The following APP variants were observed in gnomAD, a reference collection of about 807,000 sequenced individuals.
APP encodes amyloid beta precursor protein.
Under a neutral mutation model 101.4 loss-of-function variants are expected in APP, and 31 were observed. The observed-to-expected ratio is 0.31, with a 90% CI of 0.23 to 0.41. APP has a LOEUF of 0.41. Among genes scored for constraint, APP ranks in the 10% least tolerant of loss-of-function variants. The pLI, the probability that APP is intolerant of heterozygous loss-of-function variation, is 1.00. For synonymous variants in APP, 366 were observed against 364.4 expected, an observed-to-expected ratio of 1.00 and a Z score of -0.05; for missense variants, 839 against 1,003.7, an observed-to-expected ratio of 0.84 and a Z score of 2.22.
intron 2 of APP, among the ~76,000 whole-genome samples, chr21:26,101,036 T>C (rs982529882): frequency 6.6e-6 from 1 of 151,546 alleles, no homozygotes; most frequent in African/African-American, 2.4e-5. Context: ...GTGCACTGCA[T>C]GTTATTAAAA....
chr21:26,038,377 A>C (rs1192953484), intron 5 of APP, among the ~76,000 whole-genome samples: 2 of 152,214 alleles, frequency 1.3e-5, no homozygotes, highest in Non-Finnish European at 2.9e-5. Flanking sequence ...CATGATTATC[A>C]AACCAGAGGT....
chr21:26,100,887 T>G (rs896138413), intron 2 of APP, among the ~76,000 whole-genome samples: 4 of 152,086 alleles, frequency 2.6e-5, no homozygotes, highest in African/African-American at 9.7e-5. Flanking sequence ...TCACCTAACT[T>G]TCCCAATTGG....
chr21:26,055,463 A>G (rs1338332601), intron 3 of APP, among the ~76,000 whole-genome samples: 1 of 152,224 alleles, frequency 6.6e-6, no homozygotes, highest in African/African-American at 2.4e-5. Context: ...AGACCTGGAG[A>G]ATGGAAAGTA....
intron 7 of APP, among the ~76,000 whole-genome samples, chr21:25,999,509 C>T (rs2043193766): frequency 6.6e-6 from 1 of 152,054 alleles, no homozygotes; most frequent in Non-Finnish European, 1.5e-5. Context: ...CTCATCAGCA[C>T]AATAAAAGAC....
chr21:26,014,332 TAAC>T (rs1366385496), intron 6 of APP, among the ~76,000 whole-genome samples: 1 of 152,166 alleles, frequency 6.6e-6, no homozygotes, highest in East Asian at 1.9e-4. Flanking sequence ...TACAAACAAG[TAAC>T]AACAGAGGCA....
chr21:25,888,781 A>G (rs1401237203), intron 17 of APP, among the ~76,000 whole-genome samples: 1 of 150,970 alleles, frequency 6.6e-6, no homozygotes, highest in African/African-American at 2.4e-5. Flanking sequence ...CTAAAAAAAG[A>G]GCGTTTTAAT....
chr21:25,960,869 C>T (rs569268721), intron 11 of APP, among the ~76,000 whole-genome samples: 97 of 152,268 alleles, frequency 6.4e-4, no homozygotes, highest in Non-Finnish European at 1.1e-3. Flanking sequence ...GCCACCTAAA[C>T]ACATCTCTAG....
intron 9 of APP, among the ~76,000 whole-genome samples, chr21:25,976,825 A>T (rs2042241831): frequency 6.6e-6 from 1 of 152,198 alleles, no homozygotes; most frequent in Non-Finnish European, 1.5e-5. Context: ...GAGGTGATTC[A>T]GTCTCTGTCC....
intron 3 of APP, among the ~76,000 whole-genome samples, chr21:26,073,734 T>C (rs1226394688): frequency 1.3e-5 from 2 of 152,144 alleles, no homozygotes; most frequent in Non-Finnish European, 2.9e-5. Context: ...AAAGATCAGA[T>C]ACAATGAGAG....
chr21:26,116,814 C>T (rs537321219), intron 1 of APP, among the ~76,000 whole-genome samples: 3 of 152,294 alleles, frequency 2.0e-5, no homozygotes, highest in African/African-American at 4.8e-5. Context: ...AAATAGCTGG[C>T]CTCATATAAT....
chr21:26,067,567 C>T (rs1415032665), intron 3 of APP, among the ~76,000 whole-genome samples: 1 of 152,212 alleles, frequency 6.6e-6, no homozygotes. Flanking sequence ...GCTATGCTAT[C>T]TTAACGCATA....
In APP at chr21:25,997,086, G is replaced by T. The variant is rs2043085095; in HGVS notation, c.1090+274C>A. 4.9e-5 allele frequency: 24 copies of T among 491,848 alleles called. No homozygotes were observed. The South Asian group carries it at 5.4e-4, about 11-fold the overall frequency. The allele number at this position is 491,848 out of a possible 1,614,324, so 30.5% of individuals were successfully genotyped here. On this transcript the variant is annotated intron_variant, in intron 8 of 17. Coordinates refer to ENST00000346798, the MANE Select transcript of APP (RefSeq NM_000484.4). ...GTAATGGCAAATACAATACAATGATGTTGTCCATATAATATTCAATAAAAC... is the reference window on the plus strand; with the variant it reads ...GTAATGGCAAATACAATACAATGATTTTGTCCATATAATATTCAATAAAAC...
At position 25,881,560 on chromosome 21, in the gene APP, TA is replaced by T; in HGVS notation, c.*109del. On this transcript the variant is annotated 3_prime_UTR_variant, in exon 18 of 18. Transcript: ENST00000346798. ...ACAGCTGTCAAAAGGCGATAATGAG[TA>T]AATCATAAAACGGGTTTGTTTCTTC... The T allele has an allele frequency of 7.9e-7, 1 of 1,263,550 alleles. No homozygotes were observed. 78.3% of individuals were successfully genotyped at this position (1,263,550 alleles called of 1,614,324 possible). A position where few individuals can be genotyped will look rare whatever the true frequency, so the allele number is the denominator to read the frequency against.
intron 9 of APP, among the ~76,000 whole-genome samples, chr21:25,980,692 C>A (rs376256774): frequency 6.8e-6 from 1 of 146,532 alleles, no homozygotes; most frequent in South Asian, 2.2e-4. Flanking sequence ...AACAAACAAA[C>A]AAAAAACAGT....
At chr21:25,901,657 G>A (rs1243083815) in intron 15 of APP, among the ~76,000 whole-genome samples, 1 of 152,192 alleles carries the variant, frequency 6.6e-6, no homozygotes, top group Non-Finnish European at 1.5e-5. Context: ...TCAAATAAAT[G>A]GCAGGGACCT....
chr21:26,063,355 T>C (rs1439220026), intron 3 of APP, among the ~76,000 whole-genome samples: 1 of 152,086 alleles, frequency 6.6e-6, no homozygotes, highest in Non-Finnish European at 1.5e-5. Context: ...AACTGAGAAG[T>C]CTTAAAAGCA....
intron 13 of APP, among the ~76,000 whole-genome samples, chr21:25,928,445 AACACACACACACAT>A (rs1250005254): frequency 6.6e-6 from 1 of 151,670 alleles, no homozygotes; most frequent in East Asian, 1.9e-4. Context: ...CACACACACA[AACACACACACACAT>A]ATCTTCTTGT....
intron 13 of APP, among the ~76,000 whole-genome samples, chr21:25,944,042 C>CG (rs767331497): frequency 2.7e-4 from 41 of 152,120 alleles, no homozygotes; most frequent in Non-Finnish European, 5.1e-4. Context: ...ATGCCCCCCC[C>CG]CAACCAAAAG....
intron 5 of APP, among the ~76,000 whole-genome samples, chr21:26,032,825 G>T (rs1450634316): frequency 6.8e-6 from 1 of 147,098 alleles, no homozygotes; most frequent in Non-Finnish European, 1.5e-5. Context: ...TATATATAAA[G>T]AGCTATCCTT....
Sources: gnomAD v4.1 joint callset for allele counts (sites outside exome capture counted in the v4.1 genomes callset) on GRCh38, gnomAD v4.1.1 for gene constraint, MANE v1.5 for transcripts, NCBI Gene and HGNC (gene_info 2026-07-23, HGNC 2026-07-21) for gene names.